The following WDFY4 variants were observed in gnomAD, a reference collection of about 807,000 sequenced individuals.
WDFY4 encodes WDFY family member 4, also known as WD repeat- and FYVE domain-containing protein 4.
A neutral mutation model predicts 351.9 loss-of-function variants in WDFY4; 169 were observed. The observed-to-expected ratio is 0.48, with a 90% CI of 0.42 to 0.55. The LOEUF is 0.55. Among genes scored for constraint, WDFY4 ranks in the 20% least tolerant of loss-of-function variants. WDFY4 has a pLI of 0.00. For missense variants in WDFY4, 3,803 were observed against 3,935.6 expected, an observed-to-expected ratio of 0.97 and a Z score of 0.90; for synonymous variants, 1,622 against 1,574.6, an observed-to-expected ratio of 1.03 and a Z score of -0.71.
In WDFY4 at chr10:48,735,942, CG is replaced by C. The variant is rs2064648055; in HGVS notation, c.1753del (p.Glu585ArgfsTer19). On this transcript the variant is annotated frameshift_variant, in exon 11 of 62. Coordinates refer to ENST00000325239, the MANE Select transcript of WDFY4 (RefSeq NM_001394531.1). LOFTEE classifies it high-confidence loss of function. ...GATCTTCCTGGATGACGAGTGCTACCGGGAGGCCTCGCTCAGCATCTTGGAG... is the reference window on the plus strand; with the variant it reads ...GATCTTCCTGGATGACGAGTGCTACCGGAGGCCTCGCTCAGCATCTTGGAG... ...IKIFLDDECY[R>X]EASLSILEQL... The C allele has an allele frequency of 1.3e-6, 2 of 1,551,598 alleles. No homozygotes were observed. The highest frequency in any genetic ancestry group is 1.7e-6 in the Non-Finnish European group (2 of 1,147,016).
In WDFY4 at chr10:48,957,190, C is replaced by T; in HGVS notation, c.8039C>T (p.Ala2680Val). 6.4e-7 allele frequency: 1 copy of T among 1,551,634 alleles called. No individual in the cohort carries two copies. The highest frequency in any genetic ancestry group is 8.7e-7 in the Non-Finnish European group (1 of 1,146,978). The change falls in exon 52 of 62, where the codon GCC becomes GTC. Residue 2680 changes from alanine (A) to valine (V), a missense_variant. Ala to Val is a moderately conservative substitution (Grantham distance 64, BLOSUM62 0). Around this residue, in one of 3 missense-constraint regions of WDFY4, gnomAD observed 3,054 missense variants for 3,148.6 expected, o/e 0.97. Coordinates refer to ENST00000325239, the MANE Select transcript of WDFY4 (RefSeq NM_001394531.1). ...AGTGTGAAGAGCACGTGGGAGTCGGCCTCCAGAGAGAACATGAGTGACGTC... is the reference window on the plus strand; with the variant it reads ...AGTGTGAAGAGCACGTGGGAGTCGGTCTCCAGAGAGAACATGAGTGACGTC... ...FHSVKSTWES[A>V]SRENMSDVRE...
intron 1 of WDFY4, among the ~76,000 whole-genome samples, chr10:48,701,355 A>G (rs1198393251): frequency 6.6e-6 from 1 of 152,238 alleles, no homozygotes; most frequent in East Asian, 1.9e-4. Context: ...GCCATTGAGA[A>G]TAATGCTATT....
chr10:48,849,746 AAAGCT>A (rs2068895788), intron 39 of WDFY4, among the ~76,000 whole-genome samples: 1 of 152,268 alleles, frequency 6.6e-6, no homozygotes, highest in African/African-American at 2.4e-5. Flanking sequence ...AACATTTGTC[AAAGCT>A]AAGAAATTGA....
chr10:48,877,862 G>T (rs2070090593), intron 43 of WDFY4, among the ~76,000 whole-genome samples: 1 of 152,216 alleles, frequency 6.6e-6, no homozygotes, highest in Non-Finnish European at 1.5e-5. Context: ...GGCTGGGGAG[G>T]TCCCAGAGAA....
intron 39 of WDFY4, among the ~76,000 whole-genome samples, chr10:48,848,435 T>G (rs189636251): frequency 7.3e-4 from 111 of 152,340 alleles, no homozygotes; most frequent in Admixed American, 3.4e-3. Flanking sequence ...AGTAAAAGAC[T>G]GCATTGCAGA....
intron 47 of WDFY4, among the ~76,000 whole-genome samples, chr10:48,926,507 C>T (rs1839584216): frequency 1.3e-5 from 2 of 152,280 alleles, no homozygotes; most frequent in Non-Finnish European, 1.5e-5. Flanking sequence ...TAGCCAAAGT[C>T]CCTGCAGAGG....
intron 37 of WDFY4, among the ~76,000 whole-genome samples, chr10:48,829,133 A>G (rs963049647): frequency 6.6e-6 from 1 of 152,208 alleles, no homozygotes. Flanking sequence ...GTCTTTGTAT[A>G]CTAGAAATGA....
intron 12 of WDFY4, among the ~76,000 whole-genome samples, chr10:48,747,064 T>C (rs1034096288): frequency 5.9e-5 from 9 of 152,234 alleles, no homozygotes; most frequent in African/African-American, 2.2e-4. Context: ...GGTCTATTTG[T>C]GGTAAACTCT....
intron 12 of WDFY4, 28 bp downstream of exon 12, chr10:48,743,576 G>A (rs2064922085): frequency 2.0e-6 from 3 of 1,515,130 alleles, no homozygotes; most frequent in Non-Finnish European, 2.6e-6. Flanking sequence ...TGTGTCATCA[G>A]TGCATCTCTG....
At chr10:48,719,715 ATC>A (rs1321262075) in intron 2 of WDFY4, among the ~76,000 whole-genome samples, 2 of 152,344 alleles carry the variant, frequency 1.3e-5, no homozygotes, top group African/African-American at 4.8e-5. Context: ...TGGCAGGGCC[ATC>A]CACCGACGCC....
intron 26 of WDFY4, among the ~76,000 whole-genome samples, chr10:48,805,750 T>C (rs1222472099): frequency 6.6e-6 from 1 of 152,212 alleles, no homozygotes; most frequent in Non-Finnish European, 1.5e-5. Context: ...TGAAGAGCAG[T>C]CCCAGCCACC....
At chr10:48,787,799 T>A (rs1565197377) in intron 20 of WDFY4, among the ~76,000 whole-genome samples, 1 of 93,014 alleles carries the variant, frequency 1.1e-5, no homozygotes, top group Admixed American at 1.3e-4. Flanking sequence ...CTCCTCCTCC[T>A]CCTCCTCCTC....
At chr10:48,759,283 G>A (rs559870529) in intron 12 of WDFY4, among the ~76,000 whole-genome samples, 7 of 152,260 alleles carry the variant, frequency 4.6e-5, no homozygotes, top group African/African-American at 1.4e-4. Context: ...CAACTTTGTG[G>A]TTACATTTTC....
chr10:48,973,821 A>C (rs555928733), intron 57 of WDFY4, among the ~76,000 whole-genome samples: 2 of 152,358 alleles, frequency 1.3e-5, no homozygotes, highest in East Asian at 3.9e-4. Flanking sequence ...GCCATCCATG[A>C]GTCAGACCAG....
intron 2 of WDFY4, among the ~76,000 whole-genome samples, chr10:48,718,452 T>C (rs1047140982): frequency 1.6e-4 from 24 of 152,224 alleles, no homozygotes; most frequent in Non-Finnish European, 2.9e-5. Flanking sequence ...CTTTCCTAGA[T>C]GGAAGAGCTC....
intron 23 of WDFY4, among the ~76,000 whole-genome samples, chr10:48,795,363 CTGAG>C (rs150380075): frequency 0.011 from 1,655 of 151,600 alleles, 19 homozygotes; most frequent in African/African-American, 0.035. Flanking sequence ...CCAGAACTGA[CTGAG>C]TGTCAGTTTG....
intron 57 of WDFY4, among the ~76,000 whole-genome samples, chr10:48,974,519 A>AAAAAAAAAAAAAAAAAAAC (rs1352344126): frequency 1.8e-4 from 9 of 49,920 alleles, no homozygotes; most frequent in East Asian, 7.8e-4. Flanking sequence ...AAAAAAAAAA[A>AAAAAAAAAAAAAAAAAAAC]AAAAAAAAAA....
At chr10:48,800,718 CTTTCATTCTTTCT>C (rs1357774106) in intron 24 of WDFY4, among the ~76,000 whole-genome samples, 9 of 127,878 alleles carry the variant, frequency 7.0e-5, no homozygotes, top group African/African-American at 2.7e-4. Context: ...TTCTTTCTTT[CTTTCATTCTTTCT>C]TTTTTTTTTT....
At chr10:48,870,556 G>GAAA (rs201718745) in intron 40 of WDFY4, among the ~76,000 whole-genome samples, 1 of 122,914 alleles carries the variant, frequency 8.1e-6, no homozygotes, top group African/African-American at 2.9e-5. Flanking sequence ...CCTTGTCTCT[G>GAAA]AAAAAAAAAA....
Sources: gnomAD v4.1 joint callset for allele counts (sites outside exome capture counted in the v4.1 genomes callset) on GRCh38, gnomAD v4.1.1 for gene constraint, gnomAD v4.1.1 regional missense constraint, MANE v1.5 for transcripts, NCBI Gene and HGNC (gene_info 2026-07-23, HGNC 2026-07-21) for gene names.